FAAH2: variants seen among roughly 807,000 people sequenced by gnomAD.
The protein encoded by FAAH2 is fatty acid amide hydrolase 2.
In FAAH2, 60 loss-of-function variants were observed where a neutral mutation model predicts 36.9. The ratio of observed to expected loss-of-function variants is 1.63; its 90% CI spans 1.32 to 2.02. The LOEUF is 2.02. Among genes scored for constraint, FAAH2 ranks in the 30% most tolerant of loss-of-function variants. The pLI is 0.00. For synonymous variants in FAAH2, 214 were observed against 143.8 expected (o/e 1.49, Z -3.49); for missense variants, 689 against 397.5 (o/e 1.73, Z -6.23).
At chrX:57,441,814 G>A (rs1233516427) in intron 8 of FAAH2, among the ~76,000 whole-genome samples, 1 of 111,205 alleles carries the variant, frequency 9.0e-6, no homozygotes, top group Non-Finnish European at 1.9e-5. Context: ...TTGTGTCTTT[G>A]TTCTCATTGG....
chrX:57,172,250 G>A, the FAAH2 span, among the ~76,000 whole-genome samples: 9 of 111,360 alleles, frequency 8.1e-5, no homozygotes, highest in South Asian at 3.7e-4. Context: ...TTTTGGTTTC[G>A]AATAAATTTT....
At chrX:57,291,489 T>C (rs922140775) in intron 1 of FAAH2, among the ~76,000 whole-genome samples, 3 of 112,262 alleles carry the variant, frequency 2.7e-5, no homozygotes, top group African/African-American at 9.7e-5. Context: ...CATATAAACA[T>C]TGTATAGCTG....
chrX:57,195,282 A>T, the FAAH2 span, among the ~76,000 whole-genome samples: 14 of 111,204 alleles, frequency 1.3e-4, no homozygotes, highest in East Asian at 5.6e-4. Flanking sequence ...TATTTTTTTT[A>T]AATTTTTAAA....
At chrX:57,138,424 A>G in the FAAH2 span, among the ~76,000 whole-genome samples, 1 of 110,401 alleles carries the variant, frequency 9.1e-6, no homozygotes, top group Non-Finnish European at 1.9e-5. Context: ...ATTTTATTAT[A>G]TATATATATA....
chrX:57,209,594 G>T, the FAAH2 span, among the ~76,000 whole-genome samples: 7 of 111,431 alleles, frequency 6.3e-5, no homozygotes, highest in African/African-American at 2.3e-4. Flanking sequence ...CCTCTCCTCA[G>T]ACAGTGGGAA....
chrX:57,461,502 C>G (rs779651693), intron 10 of FAAH2, among the ~76,000 whole-genome samples: 1 of 111,692 alleles, frequency 9.0e-6, no homozygotes, highest in African/African-American at 3.3e-5. Context: ...GAAACTCACT[C>G]AAAACCACAC....
At chrX:57,246,460 G>A in the FAAH2 span, among the ~76,000 whole-genome samples, 14 of 111,481 alleles carry the variant, frequency 1.3e-4, no homozygotes, top group African/African-American at 4.2e-4. Flanking sequence ...AGGAATATGT[G>A]AAAATTCTCA....
At chrX:57,276,354 A>G in the FAAH2 span, among the ~76,000 whole-genome samples, 11 of 112,158 alleles carry the variant, frequency 9.8e-5, no homozygotes, top group East Asian at 3.1e-3. Context: ...AGGCAGAAAT[A>G]AAGATGTTCT....
intron 2 of FAAH2, among the ~76,000 whole-genome samples, chrX:57,301,504 C>T (rs1240487932): frequency 1.9e-5 from 2 of 106,538 alleles, no homozygotes; most frequent in Non-Finnish European, 1.9e-5. Context: ...GGAGATATAC[C>T]TAATGCTAAA....
At chrX:57,388,633 A>G (rs1238372623) in intron 7 of FAAH2, among the ~76,000 whole-genome samples, 2 of 111,525 alleles carry the variant, frequency 1.8e-5, no homozygotes, top group Non-Finnish European at 3.8e-5. Flanking sequence ...TCCATAGTTT[A>G]CATTAGTGTT....
chrX:57,167,729 G>A, the FAAH2 span, among the ~76,000 whole-genome samples: 1 of 111,398 alleles, frequency 9.0e-6, no homozygotes, highest in African/African-American at 3.3e-5. Context: ...GATGGGCTCA[G>A]TAAGGGATTT....
the FAAH2 span, among the ~76,000 whole-genome samples, chrX:57,152,162 G>A: frequency 1.8e-5 from 2 of 112,002 alleles, no homozygotes; most frequent in African/African-American, 6.5e-5. Flanking sequence ...AGCTGTGTGA[G>A]GTGTCAGTCT....
chrX:57,361,729 A>G (rs929845173), intron 5 of FAAH2, among the ~76,000 whole-genome samples: 3 of 111,561 alleles, frequency 2.7e-5, no homozygotes, highest in Non-Finnish European at 5.6e-5. Context: ...GAGAATGTCC[A>G]TGAAATGATG....
chrX:57,273,859 G>A, the FAAH2 span, among the ~76,000 whole-genome samples: 18 of 111,368 alleles, frequency 1.6e-4, no homozygotes, highest in South Asian at 4.5e-3. Flanking sequence ...AACTAGAGAA[G>A]CAGAAGCAAA....
intron 10 of FAAH2, among the ~76,000 whole-genome samples, chrX:57,477,035 CAGT>C (rs918980265): frequency 1.8e-5 from 2 of 110,647 alleles, no homozygotes; most frequent in Non-Finnish European, 3.8e-5. Flanking sequence ...TCTGTGGAAT[CAGT>C]GGTGATATCG....
rs974574625 is a variant in FAAH2 at position 57,393,063 on chromosome X, G to C, written c.996+12034G>C. 1.1e-5 allele frequency: 10 copies of C among 919,728 alleles called. No homozygotes were observed. The African/African-American group carries it at 1.9e-4, about 18-fold the overall frequency. The allele number at this position is 919,728 out of a possible 1,213,427, so 75.8% of individuals were successfully genotyped here. On this transcript the variant is annotated intron_variant, in intron 7 of 10. Transcript: ENST00000374900. ...CTGGACAGCCTGAGCCAGGGCTAAG[G>C]TACCCTTGCCCCCTTCTGCCAGTGA...
intron 2 of FAAH2, among the ~76,000 whole-genome samples, chrX:57,302,497 T>C (rs1416592604): frequency 9.0e-6 from 1 of 111,232 alleles, no homozygotes; most frequent in Non-Finnish European, 1.9e-5. Context: ...AGAATAACCA[T>C]TATTTACAGC....
chrX:57,169,877 CACACACACACACACACAA>C, the FAAH2 span, among the ~76,000 whole-genome samples: 1 of 108,526 alleles, frequency 9.2e-6, no homozygotes, highest in African/African-American at 3.3e-5. Flanking sequence ...TAAACACACA[CACACACACACACACACAA>C]ACACACACAC....
At chrX:57,213,774 G>A in the FAAH2 span, among the ~76,000 whole-genome samples, 1 of 111,466 alleles carries the variant, frequency 9.0e-6, no homozygotes, top group African/African-American at 3.3e-5. Flanking sequence ...AATGTCCCAC[G>A]TGCTGGTAAT....
Sources: gnomAD v4.1 joint callset for allele counts (sites outside exome capture counted in the v4.1 genomes callset) on GRCh38, gnomAD v4.1.1 for gene constraint, MANE v1.5 for transcripts, NCBI Gene and HGNC (gene_info 2026-07-23, HGNC 2026-07-21) for gene names.